Variants in F10 observed in about 807,000 individuals in gnomAD.
F10 encodes coagulation factor X, also known as Stuart-Prower factor.
Under a neutral mutation model 37.1 loss-of-function variants are expected in F10, and 29 were observed. The ratio of observed to expected loss-of-function variants is 0.78; its 90% CI spans 0.58 to 1.07. The LOEUF is 1.07. Among genes scored for constraint, F10 ranks in the 50% least tolerant of loss-of-function variants. The pLI is 0.00. For missense variants in F10, 539 were observed against 667.9 expected, an observed-to-expected ratio of 0.81 and a Z score of 2.13; for synonymous variants, 262 against 268.6, an observed-to-expected ratio of 0.98 and a Z score of 0.24.
Position 113,139,275 on chromosome 13 carries a change from G to C in F10, c.257-82G>C, listed in dbSNP as rs1328078799. 3.6e-6 allele frequency: 4 copies of C among 1,126,724 alleles called. No individual in the cohort carries two copies. The highest frequency in any genetic ancestry group is 5.3e-6 in the Non-Finnish European group (4 of 750,680). 69.8% of individuals were successfully genotyped at this position (1,126,724 alleles called of 1,614,324 possible). ...ACTCTTCCAGTTATCTGAACGGCAGGGCCAAGGTTAGCACAGCAAAACTGT... is the reference window on the plus strand; with the variant it reads ...ACTCTTCCAGTTATCTGAACGGCAGCGCCAAGGTTAGCACAGCAAAACTGT... On this transcript the variant is annotated intron_variant, in intron 3 of 7. Coordinates refer to ENST00000375559, the MANE Select transcript of F10 (RefSeq NM_000504.4). This position sits in a 1 kb window ranked among gnomAD's most constrained non-coding sequence, Gnocchi z 5.2.
At chr13:113,148,343 A>T (rs191979197) in intron 7 of F10, among the ~76,000 whole-genome samples, 2,143 of 98,960 alleles carry the variant, frequency 0.022, 36 homozygotes, top group African/African-American at 0.068. Flanking sequence ...AAAAAAAAAA[A>T]AAATATATAT....
chr13:113,137,483 G>C (rs1261439624), intron 2 of F10, among the ~76,000 whole-genome samples: 1 of 152,180 alleles, frequency 6.6e-6, no homozygotes, highest in Non-Finnish European at 1.5e-5. Flanking sequence ...CATTGGTTTT[G>C]CTGTGTGAGA....
Position 113,134,844 on chromosome 13 carries a change from C to A in F10, c.232-3613C>A, listed in dbSNP as rs987345557. Among the ~76,000 whole-genome samples the A allele has an allele frequency of 5.3e-5, 8 of 152,158 alleles. No individual in the cohort carries two copies. The South Asian group carries it at 1.7e-3, about 31-fold the overall frequency. ...AAAGCTAATAAAACATATACAGGAT[C>A]TTTATCCCAAAATCTACAAAATTCC... is the stretch of plus-strand genomic sequence containing the variant. On this transcript the variant is annotated intron_variant, in intron 2 of 7. Coordinates refer to ENST00000375559, the MANE Select transcript of F10 (RefSeq NM_000504.4).
At chr13:113,127,023 G>A (rs1043998677) in intron 1 of F10, among the ~76,000 whole-genome samples, 2 of 152,206 alleles carry the variant, frequency 1.3e-5, no homozygotes, top group East Asian at 1.9e-4. Flanking sequence ...TAAGTCTAGC[G>A]TTGGTGGGAT....
chr13:113,126,108 G>C (rs2036367741), intron 1 of F10, among the ~76,000 whole-genome samples: 1 of 152,186 alleles, frequency 6.6e-6, no homozygotes, highest in South Asian at 2.1e-4. Flanking sequence ...GTGGCAGAGA[G>C]AGGTGAATGA....
chr13:113,149,476 AGCCAT>A lies in F10; in HGVS notation c.1430_1434del (p.His477ProfsTer?), dbSNP rs1248812948. The A allele has an allele frequency of 1.2e-6, 2 of 1,613,202 alleles. No homozygotes were observed. The highest frequency in any genetic ancestry group is 2.7e-5 in the African/African-American group (2 of 74,960). On this transcript the variant is annotated frameshift_variant, in exon 8 of 8. Transcript: ENST00000375559. LOFTEE classifies it low-confidence loss of function (END_TRUNC). The surrounding 1 kb of genome is among the most constrained non-coding windows in gnomAD (Gnocchi z 7.5). ...AACCAGGGGCTTGCCCAAGGCCAAG[AGCCAT>A]GCCCCGGAGGTCATAACGTCCTCTC...
Position 113,143,572 on chromosome 13 carries a change from C to T in F10, c.503-279C>T, listed in dbSNP as rs905585356. Among the ~76,000 whole-genome samples the T allele has an allele frequency of 4.6e-5, 7 of 152,136 alleles. No individual in the cohort carries two copies. The highest frequency in any genetic ancestry group is 8.8e-5 in the Non-Finnish European group (6 of 68,030). ...CTTCTTGGTGCATTTTCAGGCAAAC[C>T]GCAGACGCCAACACTCCCCTCGCTG... On this transcript the variant is annotated intron_variant, in intron 5 of 7. Transcript: ENST00000375559. This position sits in a 1 kb window ranked among gnomAD's most constrained non-coding sequence, Gnocchi z 6.8.
At chr13:113,129,890 T>A (rs966571070) in intron 2 of F10, 1 of 479,126 alleles carries the variant, frequency 2.1e-6, no homozygotes. Flanking sequence ...AGAGTTAAGT[T>A]CTATTTAAAA....
At chr13:113,135,071 T>C (rs527899812) in intron 2 of F10, among the ~76,000 whole-genome samples, 1 of 151,764 alleles carries the variant, frequency 6.6e-6, no homozygotes, top group East Asian at 1.9e-4. Context: ...TGAAACCCCG[T>C]CTCTACTAAA....
Position 113,141,479 on chromosome 13 carries a change from C to T in F10, c.502+429C>T, listed in dbSNP as rs371297809. 2.4e-3 allele frequency among the ~76,000 whole-genome samples: 365 copies of T among 152,286 alleles called. 2 individuals are homozygous for T. Among genetic ancestry groups the T allele is most frequent in the African/African-American group, 8.3e-3 (346 of 41,564 alleles). ...GGCCCGAGGAACTGGAGCTAAGGTG[C>T]GGGGCTGGGATAGGAGTCAGGGGAC... On this transcript the variant is annotated intron_variant, in intron 5 of 7. Transcript: ENST00000375559. This position sits in a 1 kb window ranked among gnomAD's most constrained non-coding sequence, Gnocchi z 5.4.
chr13:113,146,213 T>G lies in F10; in HGVS notation c.748-1166T>G, dbSNP rs1317748090. On this transcript the variant is annotated intron_variant, in intron 6 of 7. Coordinates refer to ENST00000375559, the MANE Select transcript of F10 (RefSeq NM_000504.4). This position sits in a 1 kb window ranked among gnomAD's most constrained non-coding sequence, Gnocchi z 4.5. ...AGCCGGGTGCTGTGTAGGTGGGATA[T>G]GAAACCATGAAGCCTCTCTGTGACC... is the stretch of plus-strand genomic sequence containing the variant. 6.6e-6 allele frequency among the ~76,000 whole-genome samples: 1 copy of G among 152,138 alleles called. No homozygotes were observed. Among genetic ancestry groups the G allele is most frequent in the African/African-American group, 2.4e-5 (1 of 41,422 alleles).
At chr13:113,129,685 G>A (rs2036409596) in intron 2 of F10, 73 bp downstream of exon 2, 4 of 1,594,584 alleles carry the variant, frequency 2.5e-6, no homozygotes, top group African/African-American at 1.3e-5. Context: ...CCGCTGCTCC[G>A]TCCATCCAGG....
chr13:113,147,611 C>T (rs2138554492), intron 7 of F10, 115 bp downstream of exon 7: 1 of 762,796 alleles, frequency 1.3e-6, no homozygotes, highest in Admixed American at 1.8e-5. Flanking sequence ...TCCTGAAATC[C>T]TATTTGTAGG....
At chr13:113,140,864 G>T in intron 4 of F10, 55 bp from the exon 5 acceptor site, 2 of 1,610,008 alleles carry the variant, frequency 1.2e-6, no homozygotes, top group Non-Finnish European at 1.7e-6. Flanking sequence ...CCTTGGGCCA[G>T]CCCAGCCTCC....
At position 113,122,926 on chromosome 13, in the gene F10, G is replaced by A. The variant is rs746084152; in HGVS notation, c.70+1G>A. On this transcript the variant is annotated splice_donor_variant, in intron 1 of 7. Coordinates refer to ENST00000375559, the MANE Select transcript of F10 (RefSeq NM_000504.4). LOFTEE classifies it high-confidence loss of function. Reference sequence around the variant, plus strand: ...GGCCTCCTGCTGCTCGGGGAAAGTCGTAAGTGCCCCTCGCCCTTCAGACCC... The same window carrying A: ...GGCCTCCTGCTGCTCGGGGAAAGTCATAAGTGCCCCTCGCCCTTCAGACCC... 1.5e-5 allele frequency: 24 copies of A among 1,609,256 alleles called. No homozygotes were observed. The highest frequency in any genetic ancestry group is 2.7e-5 in the African/African-American group (2 of 74,954).
intron 5 of F10, among the ~76,000 whole-genome samples, chr13:113,142,153 A>C (rs1404539473): frequency 1.3e-5 from 2 of 152,222 alleles, no homozygotes; most frequent in East Asian, 3.8e-4. Flanking sequence ...AATGACATTC[A>C]AGCTTAAGCT....
chr13:113,125,589 G>A (rs1204875600), intron 1 of F10, among the ~76,000 whole-genome samples: 12 of 152,188 alleles, frequency 7.9e-5, no homozygotes, highest in Admixed American at 7.9e-4. Context: ...TTTTAATTTC[G>A]TTTTGCCAAA....
Position 113,139,978 on chromosome 13 carries a change from G to A in F10, c.370+508G>A, listed in dbSNP as rs761911486. 5.3e-5 allele frequency among the ~76,000 whole-genome samples: 8 copies of A among 152,018 alleles called. No individual in the cohort carries two copies. The highest frequency in any genetic ancestry group is 7.4e-5 in the Non-Finnish European group (5 of 68,000). ...AATCACTAAGTGCTTTCTCTAATGTGGTGATTAAGTTTTAAATAAAAAGTT... is the reference window on the plus strand; with the variant it reads ...AATCACTAAGTGCTTTCTCTAATGTAGTGATTAAGTTTTAAATAAAAAGTT... On this transcript the variant is annotated intron_variant, in intron 4 of 7. Transcript: ENST00000375559. The surrounding 1 kb of genome is among the most constrained non-coding windows in gnomAD (Gnocchi z 5.2).
intron 1 of F10, among the ~76,000 whole-genome samples, chr13:113,123,186 G>A (rs770181277): frequency 1.3e-5 from 2 of 152,192 alleles, no homozygotes; most frequent in Non-Finnish European, 2.9e-5. Flanking sequence ...AGAGAGAAAG[G>A]GAGAGGGAAG....
Sources: allele counts gnomAD v4.1 joint callset (sites outside exome capture counted in the v4.1 genomes callset), GRCh38; gene constraint gnomAD v4.1.1; non-coding constraint Gnocchi (gnomAD v3.1); transcripts MANE v1.5; gene names NCBI Gene and HGNC (gene_info 2026-07-23, HGNC 2026-07-21).